NUP35: variants seen among roughly 807,000 people sequenced by gnomAD.
NUP35 encodes the protein nucleoporin 35.
Under a neutral mutation model 41.5 loss-of-function variants are expected in NUP35, and 25 were observed. That is an observed-to-expected ratio of 0.60 (90% CI 0.44 to 0.84). The LOEUF (loss-of-function observed/expected upper bound fraction) is 0.84, where lower values mean the gene tolerates loss of function less well. Among genes scored for constraint, NUP35 ranks in the 40% least tolerant of loss-of-function variants. The pLI is 0.00. For missense variants in NUP35, 396 were observed against 396.6 expected (o/e 1.00, Z 0.01); for synonymous variants, 149 against 130.7 (o/e 1.14, Z -0.96).
chr2:183,142,017 A>C (rs959543692), intron 4 of NUP35, among the ~76,000 whole-genome samples: 3 of 152,206 alleles, frequency 2.0e-5, no homozygotes, highest in African/African-American at 7.2e-5. Context: ...CTTGATTGAT[A>C]GTGTAGGTGG....
chr2:183,145,091 G>A (rs1350143008), intron 4 of NUP35, among the ~76,000 whole-genome samples: 1 of 152,084 alleles, frequency 6.6e-6, no homozygotes, highest in African/African-American at 2.4e-5. Flanking sequence ...TCTTCAGTTT[G>A]TTAATGGAAT....
At chr2:183,158,673 T>G (rs1045544456) in intron 7 of NUP35, among the ~76,000 whole-genome samples, 1 of 152,138 alleles carries the variant, frequency 6.6e-6, no homozygotes, top group Admixed American at 6.5e-5. Flanking sequence ...CCAGAGTTGT[T>G]AAAGGTGAGG....
chr2:183,121,252 T>A (rs1034976673), upstream of NUP35, among the ~76,000 whole-genome samples: 1 of 151,964 alleles, frequency 6.6e-6, no homozygotes, highest in African/African-American at 2.4e-5. Flanking sequence ...GGAAGAGCAT[T>A]ACACAGGAGC....
intron 4 of NUP35, among the ~76,000 whole-genome samples, chr2:183,138,607 T>G: frequency 6.6e-6 from 1 of 152,150 alleles, no homozygotes; most frequent in East Asian, 1.9e-4. Flanking sequence ...GTAAAGAACA[T>G]TGAATGTGTT....
At chr2:183,143,081 G>A (rs569619023) in intron 4 of NUP35, among the ~76,000 whole-genome samples, 10 of 151,222 alleles carry the variant, frequency 6.6e-5, no homozygotes, top group Non-Finnish European at 1.0e-4. Flanking sequence ...GCCTGAACCC[G>A]GGAGGCGGAG....
At chr2:183,154,942 T>C (rs1403292186) in intron 5 of NUP35, among the ~76,000 whole-genome samples, 2 of 152,112 alleles carry the variant, frequency 1.3e-5, no homozygotes, top group Non-Finnish European at 2.9e-5. Flanking sequence ...GGTACTTACA[T>C]AGTGACATCA....
chr2:183,161,186 G>C lies in NUP35; in HGVS notation c.*55G>C. On this transcript the variant is annotated 3_prime_UTR_variant, in exon 9 of 9. Coordinates refer to ENST00000295119, the MANE Select transcript of NUP35 (RefSeq NM_138285.5). ...AAAACAGAGTTAGCAGAGTGCTGCT[G>C]GTTCCTTCGGTTAGTTATATAACTG... 1 of 1,269,532 alleles carries C rather than the reference G, an allele frequency of 7.9e-7. No homozygotes were observed. 78.6% of individuals were successfully genotyped at this position (1,269,532 alleles called of 1,614,324 possible). A position where few individuals can be genotyped will look rare whatever the true frequency, so the allele number is the denominator to read the frequency against.
In NUP35 at chr2:183,159,606, T is replaced by G. The variant is rs1685795020; in HGVS notation, c.857T>G (p.Met286Arg). Reference sequence around the variant, plus strand: ...GGAAGTACTCCTAGGATTTCTACCATGAGACCTCTTGCTACAGCATACAAA... The same window carrying G: ...GGAAGTACTCCTAGGATTTCTACCAGGAGACCTCTTGCTACAGCATACAAA... The part of the protein sequence containing the change: ...QPGSTPRIST[M>R]RPLATAYKAS... The change falls in exon 8 of 9, where the codon ATG (methionine) becomes AGG (arginine). Residue 286 changes from methionine (M) to arginine (R), a missense_variant. Physicochemically the swap from Met to Arg is moderately conservative, Grantham distance 91. Coordinates refer to ENST00000295119, the MANE Select transcript of NUP35 (RefSeq NM_138285.5). 1 of 1,613,498 alleles carries G rather than the reference T, an allele frequency of 6.2e-7. No homozygotes were observed. The highest frequency in any genetic ancestry group is 8.5e-7 in the Non-Finnish European group (1 of 1,179,684).
Position 183,130,409 on chromosome 2 carries a change from A to G in NUP35, c.212-9A>G, listed in dbSNP as rs777665143. 8.4e-7 allele frequency: 1 copy of G among 1,196,790 alleles called. No individual in the cohort carries two copies. Among genetic ancestry groups the G allele is most frequent in the Admixed American group, 3.6e-5 (1 of 27,988 alleles). 74.1% of individuals were successfully genotyped at this position (1,196,790 alleles called of 1,614,324 possible). On this transcript the variant is annotated splice_polypyrimidine_tract_variant and intron_variant, in intron 2 of 8. Coordinates refer to ENST00000295119, the MANE Select transcript of NUP35 (RefSeq NM_138285.5). ...TCCCTTTTTTTTTTTTTTTTTTTGT[A>G]CACTGTAGGTGGGTCACCACCACAA... is the stretch of plus-strand genomic sequence containing the variant.
chr2:183,157,607 TA>T lies in NUP35; in HGVS notation c.609+97del, dbSNP rs1455093172. On this transcript the variant is annotated intron_variant, in intron 6 of 8. Transcript: ENST00000295119. ...GCTTCTGAATTTTGTGGGTTTTTTTTAAACTTAAATTTTTTTTTGAGTTTTG... is the reference window on the plus strand; with the variant it reads ...GCTTCTGAATTTTGTGGGTTTTTTTTAACTTAAATTTTTTTTTGAGTTTTG... 4.5e-6 allele frequency: 4 copies of T among 890,928 alleles called. No homozygotes were observed. The Admixed American group carries it at 9.3e-5, about 21-fold the overall frequency. 55.2% of individuals were successfully genotyped at this position (890,928 alleles called of 1,614,324 possible). A position where few individuals can be genotyped will look rare whatever the true frequency, so the allele number is the denominator to read the frequency against.
chr2:183,140,382 T>C lies in NUP35; in HGVS notation c.397+6759T>C, dbSNP rs74569909. 1.5e-3 allele frequency among the ~76,000 whole-genome samples: 225 copies of C among 152,304 alleles called. 5 individuals carry two copies. The East Asian group carries it at 0.042, about 28-fold the overall frequency. On this transcript the variant is annotated intron_variant, in intron 4 of 8. Transcript: ENST00000295119. Reference sequence around the variant, plus strand: ...CCTTTTAAGGACCTTATTGGTTATATTGGGCCTATTTGGATAATCTAGGAT... The same window carrying C: ...CCTTTTAAGGACCTTATTGGTTATACTGGGCCTATTTGGATAATCTAGGAT...
chr2:183,157,371 A>G (rs1685702759), intron 5 of NUP35, 73 bp from the exon 6 acceptor site: 5 of 1,093,590 alleles, frequency 4.6e-6, no homozygotes, highest in Non-Finnish European at 4.2e-6. Context: ...ATCTTGAAAC[A>G]TTATCTTGTA....
chr2:183,127,077 AC>A (rs1684516252), intron 1 of NUP35, among the ~76,000 whole-genome samples: 1 of 152,000 alleles, frequency 6.6e-6, no homozygotes, highest in Non-Finnish European at 1.5e-5. Context: ...GAGAACTTGA[AC>A]CCACATCTTT....
chr2:183,143,170 A>AAG (rs58740447), intron 4 of NUP35, among the ~76,000 whole-genome samples: 1 of 150,046 alleles, frequency 6.7e-6, no homozygotes, highest in African/African-American at 2.5e-5. Context: ...AAAAAAAAAA[A>AAG]GAAAAGAAAT....
chr2:183,124,372 A>C, upstream of NUP35: 1 of 1,612,468 alleles, frequency 6.2e-7, no homozygotes, highest in Non-Finnish European at 8.5e-7. Context: ...CCCATAAGGT[A>C]GCACGCCGTT....
intron 5 of NUP35, among the ~76,000 whole-genome samples, chr2:183,154,225 C>T (rs1236347939): frequency 6.6e-6 from 1 of 152,176 alleles, no homozygotes; most frequent in Non-Finnish European, 1.5e-5. Flanking sequence ...CTCTGACATG[C>T]CCTAGAGACA....
intron 2 of NUP35, among the ~76,000 whole-genome samples, chr2:183,129,787 A>G (rs1490467470): frequency 6.6e-6 from 1 of 152,244 alleles, no homozygotes; most frequent in Non-Finnish European, 1.5e-5. Context: ...TAAGCTGTAC[A>G]GTCCAGGCTC....
intron 1 of NUP35, among the ~76,000 whole-genome samples, chr2:183,125,854 G>T (rs895356335): frequency 1.3e-5 from 2 of 152,214 alleles, no homozygotes; most frequent in Non-Finnish European, 2.9e-5. Context: ...TGCTAGCTGA[G>T]TACGTATCTT....
intron 4 of NUP35, among the ~76,000 whole-genome samples, chr2:183,143,482 C>T (rs993824556): frequency 2.0e-5 from 3 of 152,132 alleles, no homozygotes; most frequent in East Asian, 1.9e-4. Flanking sequence ...CAGCCTTATG[C>T]CTAAGCTGGT....
Sources: allele counts gnomAD v4.1 joint callset (sites outside exome capture counted in the v4.1 genomes callset), GRCh38; gene constraint gnomAD v4.1.1; transcripts MANE v1.5; gene names NCBI Gene and HGNC (gene_info 2026-07-23, HGNC 2026-07-21).